STPG2: variants seen among roughly 807,000 people sequenced by gnomAD.
The protein encoded by STPG2 is sperm tail PG-rich repeat containing 2.
Under a neutral mutation model 54.2 loss-of-function variants are expected in STPG2, and 56 were observed. The observed-to-expected ratio is 1.03, with a 90% CI of 0.83 to 1.29. STPG2 has a LOEUF of 1.29. Among genes scored for constraint, STPG2 ranks in the 50% most tolerant of loss-of-function variants. The pLI is 0.00. For missense variants in STPG2, 596 were observed against 544.9 expected (o/e 1.09, Z -0.93); for synonymous variants, 200 against 181.8 (o/e 1.10, Z -0.81).
At chr4:97,637,675 C>T (rs1458368609) in intron 10 of STPG2, among the ~76,000 whole-genome samples, 2 of 152,260 alleles carry the variant, frequency 1.3e-5, no homozygotes, top group East Asian at 3.9e-4. Flanking sequence ...GTGCAAAAAT[C>T]ACAAGCATTC....
At chr4:97,477,643 A>ATT (rs561080941) in intron 4 of STPG2, among the ~76,000 whole-genome samples, 3 of 141,202 alleles carry the variant, frequency 2.1e-5, no homozygotes, top group Admixed American at 7.1e-5. Context: ...TGCCCGGCTA[A>ATT]TTTTTTTTTT....
Position 98,143,244 on chromosome 4 carries a change from C to A in STPG2, c.-94G>T, listed in dbSNP as rs113032368. 1.2e-5 allele frequency: 11 copies of A among 935,132 alleles called. No individual in the cohort carries two copies. The highest frequency in any genetic ancestry group is 3.3e-4 in the Middle Eastern group (1 of 3,076). The allele number at this position is 935,132 out of a possible 1,614,324, so 57.9% of individuals were successfully genotyped here. ...AGTGTGGAGAAAAAGGAAGCCGACACCAGTCTGAGGAGGCCGGGAAAGAAC... is the reference window on the plus strand; with the variant it reads ...AGTGTGGAGAAAAAGGAAGCCGACAACAGTCTGAGGAGGCCGGGAAAGAAC... On this transcript the variant is annotated 5_prime_UTR_variant, in exon 1 of 11. Coordinates refer to ENST00000295268, the MANE Select transcript of STPG2 (RefSeq NM_174952.3).
chr4:98,088,542 T>C (rs1738593774), intron 5 of STPG2, among the ~76,000 whole-genome samples: 3 of 151,912 alleles, frequency 2.0e-5, no homozygotes, highest in Admixed American at 2.0e-4. Context: ...TAATAATAAT[T>C]CAATTATTAT....
intron 10 of STPG2, among the ~76,000 whole-genome samples, chr4:97,586,867 G>C (rs1371286724): frequency 6.6e-6 from 1 of 151,868 alleles, no homozygotes; most frequent in Non-Finnish European, 1.5e-5. Context: ...GAATCTTGGA[G>C]CATCGGCAAG....
At chr4:97,818,096 T>G (rs1727970477) in intron 9 of STPG2, among the ~76,000 whole-genome samples, 4 of 151,938 alleles carry the variant, frequency 2.6e-5, no homozygotes, top group African/African-American at 9.7e-5. Context: ...AAGCTGACCC[T>G]ATTATTTTTA....
intron 4 of STPG2, among the ~76,000 whole-genome samples, chr4:97,481,218 A>G (rs937948276): frequency 6.6e-6 from 1 of 151,580 alleles, no homozygotes; most frequent in Non-Finnish European, 1.5e-5. Context: ...ACAATAGTCA[A>G]TTTTTGAACC....
intron 8 of STPG2, among the ~76,000 whole-genome samples, chr4:97,870,504 T>A (rs1379773370): frequency 6.6e-6 from 1 of 151,348 alleles, no homozygotes; most frequent in East Asian, 1.9e-4. Context: ...GCAAATGTAA[T>A]CAACATTATA....
chr4:97,572,090 A>T (rs1312956820), intron 10 of STPG2, among the ~76,000 whole-genome samples: 2 of 152,170 alleles, frequency 1.3e-5, no homozygotes, highest in Non-Finnish European at 2.9e-5. Flanking sequence ...TTCTCATCAG[A>T]CTATTGGTCT....
At chr4:98,039,493 CAT>C (rs199974654) in intron 5 of STPG2, among the ~76,000 whole-genome samples, 1,671 of 101,056 alleles carry the variant, frequency 0.017, 15 homozygotes, top group Middle Eastern at 0.042. Flanking sequence ...ACAAGAAATA[CAT>C]ATATATATAC....
At chr4:98,114,401 T>C (rs929617143) in intron 3 of STPG2, among the ~76,000 whole-genome samples, 1 of 152,110 alleles carries the variant, frequency 6.6e-6, no homozygotes, top group African/African-American at 2.4e-5. Context: ...TCATGCTGGA[T>C]ATTTTAGACA....
At chr4:98,128,332 AT>A (rs1739885807) in intron 3 of STPG2, 95 bp downstream of exon 3, 3 of 1,175,912 alleles carry the variant, frequency 2.6e-6, no homozygotes, top group Non-Finnish European at 3.4e-6. Flanking sequence ...ACGTGTAATC[AT>A]TTTTTTCTTG....
rs189635503 is a variant in STPG2 at position 98,006,147 on chromosome 4, G to A, written c.613-24829C>T. On this transcript the variant is annotated intron_variant, in intron 5 of 10. Transcript: ENST00000295268. Reference sequence around the variant, plus strand: ...CACACTGTGAAACTTTATTCATGAAGGATCATGGGAATTCAACCAAAAAGT... The same window carrying A: ...CACACTGTGAAACTTTATTCATGAAAGATCATGGGAATTCAACCAAAAAGT... Among the ~76,000 whole-genome samples, 185 of 152,282 alleles carry A rather than the reference G, an allele frequency of 1.2e-3. 6 individuals carry two copies. The East Asian group carries it at 0.021, about 17-fold the overall frequency.
intron 4 of STPG2, among the ~76,000 whole-genome samples, chr4:97,486,857 A>G (rs1465115928): frequency 8.4e-6 from 1 of 119,282 alleles, no homozygotes; most frequent in Admixed American, 7.9e-5. Context: ...ATGTATGTAT[A>G]CAAACACACA....
At chr4:98,035,599 T>A (rs1224784089) in intron 5 of STPG2, among the ~76,000 whole-genome samples, 3 of 152,194 alleles carry the variant, frequency 2.0e-5, no homozygotes, top group Non-Finnish European at 2.9e-5. Context: ...TTACTGGGTA[T>A]ATACCCAAAG....
chr4:97,640,060 G>A (rs1721713143), intron 10 of STPG2, among the ~76,000 whole-genome samples: 1 of 151,924 alleles, frequency 6.6e-6, no homozygotes, highest in African/African-American at 2.4e-5. Flanking sequence ...GGTTATTTAG[G>A]GTTTACTATG....
chr4:97,561,117 T>C (rs1026956214), intron 10 of STPG2, among the ~76,000 whole-genome samples: 1 of 151,982 alleles, frequency 6.6e-6, no homozygotes, highest in Non-Finnish European at 1.5e-5. Flanking sequence ...CACCTGTTGT[T>C]TCCTGACTTT....
chr4:98,107,808 C>CTCAGAGCATGAGCA (rs1325496864), intron 4 of STPG2, among the ~76,000 whole-genome samples: 2 of 151,590 alleles, frequency 1.3e-5, no homozygotes, highest in African/African-American at 4.9e-5. Flanking sequence ...CACAAATCAG[C>CTCAGAGCATGAGCA]CAATATGGCA....
intron 10 of STPG2, among the ~76,000 whole-genome samples, chr4:97,582,636 T>A (rs1017253957): frequency 2.6e-5 from 4 of 152,060 alleles, no homozygotes; most frequent in Non-Finnish European, 4.4e-5. Flanking sequence ...AGAAAAAGCC[T>A]AAATCAGAAC....
intron 5 of STPG2, among the ~76,000 whole-genome samples, chr4:98,053,776 A>G (rs967765614): frequency 4.6e-5 from 7 of 152,176 alleles, no homozygotes; most frequent in Non-Finnish European, 1.0e-4. Flanking sequence ...ATTCACTGAA[A>G]GCTAAAGATA....
Sources: gnomAD v4.1 joint callset for allele counts (sites outside exome capture counted in the v4.1 genomes callset) on GRCh38, gnomAD v4.1.1 for gene constraint, MANE v1.5 for transcripts, NCBI Gene and HGNC (gene_info 2026-07-23, HGNC 2026-07-21) for gene names.